The following ZNF540 variants were observed in gnomAD, a reference collection of about 807,000 sequenced individuals.
The protein encoded by ZNF540 is zinc finger protein 540.
In ZNF540, 3 loss-of-function variants were observed where a neutral mutation model predicts 11.8. The observed-to-expected ratio is 0.25, with a 90% CI of 0.12 to 0.65. ZNF540 has a LOEUF of 0.65. ZNF540 is among the 30% of genes least tolerant of loss of function. ZNF540 has a pLI of 0.83. For missense variants in ZNF540, 709 were observed against 793.1 expected, an observed-to-expected ratio of 0.89 and a Z score of 1.27; for synonymous variants, 247 against 259.0, an observed-to-expected ratio of 0.95 and a Z score of 0.45.
chr19:37,562,837 C>A (rs2042733180), intron 1 of ZNF540: 1 of 152,160 alleles, frequency 6.6e-6, no homozygotes, highest in Non-Finnish European at 1.5e-5. Context: ...ACTGCATGCA[C>A]AAACATATCT....
At chr19:37,580,330 AC>A (rs2043409728) in intron 1 of ZNF540, among the ~76,000 whole-genome samples, 1 of 152,250 alleles carries the variant, frequency 6.6e-6, no homozygotes, top group East Asian at 1.9e-4. Context: ...TGCAGTCTTC[AC>A]CATCACAGGA....
At chr19:37,577,101 C>A (rs980994325) in intron 1 of ZNF540, among the ~76,000 whole-genome samples, 3 of 152,028 alleles carry the variant, frequency 2.0e-5, no homozygotes, top group African/African-American at 4.8e-5. Context: ...ATTCCATTTA[C>A]AACAAACTTA....
At chr19:37,579,523 A>G (rs1425843036) in intron 1 of ZNF540, among the ~76,000 whole-genome samples, 1 of 150,254 alleles carries the variant, frequency 6.7e-6, no homozygotes, top group Non-Finnish European at 1.5e-5. Flanking sequence ...TGGTGCTGGG[A>G]TAACTGGCTA....
chr19:37,561,048 C>CAAAAAAAAAAAAAAAAAAAAAA (rs199892724), intron 1 of ZNF540, among the ~76,000 whole-genome samples: 1 of 73,784 alleles, frequency 1.4e-5, no homozygotes, highest in African/African-American at 4.6e-5. Context: ...CCTGTCTCTA[C>CAAAAAAAAAAAAAAAAAAAAAA]AAAAAAAAAA....
intron 1 of ZNF540, among the ~76,000 whole-genome samples, chr19:37,553,848 A>G (rs1356146379): frequency 6.6e-6 from 1 of 152,188 alleles, no homozygotes; most frequent in Non-Finnish European, 1.5e-5. Flanking sequence ...TTTGCATTAA[A>G]AACTCAATTA....
intron 1 of ZNF540, among the ~76,000 whole-genome samples, chr19:37,572,721 G>C (rs2043107054): frequency 6.6e-6 from 1 of 152,088 alleles, no homozygotes; most frequent in Non-Finnish European, 1.5e-5. Flanking sequence ...GTAATCTGTT[G>C]GCCTTAGGAG....
chr19:37,561,074 A>AAG (rs57590004), intron 1 of ZNF540, among the ~76,000 whole-genome samples: 1 of 135,776 alleles, frequency 7.4e-6, no homozygotes, highest in African/African-American at 2.9e-5. Flanking sequence ...AAAAAAAAAA[A>AAG]GAAAGAAAAA....
intron 1 of ZNF540, among the ~76,000 whole-genome samples, chr19:37,568,272 A>G (rs1439697212): frequency 1.3e-5 from 2 of 151,830 alleles, no homozygotes; most frequent in Non-Finnish European, 2.9e-5. Context: ...GAGAAAACAC[A>G]CTTTTGCTGA....
chr19:37,608,153 T>C (rs1228405186), intron 4 of ZNF540, among the ~76,000 whole-genome samples: 1 of 152,252 alleles, frequency 6.6e-6, no homozygotes, highest in Non-Finnish European at 1.5e-5. Flanking sequence ...TTTTCCTCCT[T>C]CTGGTATTTT....
chr19:37,588,157 A>G (rs2043747784), intron 1 of ZNF540, among the ~76,000 whole-genome samples: 1 of 151,158 alleles, frequency 6.6e-6, no homozygotes. Flanking sequence ...TATATATAAA[A>G]TGATATAAAG....
At chr19:37,554,518 C>T (rs777933283) in intron 1 of ZNF540, among the ~76,000 whole-genome samples, 2 of 152,084 alleles carry the variant, frequency 1.3e-5, no homozygotes, top group Non-Finnish European at 2.9e-5. Flanking sequence ...TCAGGCTGTT[C>T]TCAAGATTTT....
chr19:37,564,271 A>T (rs2042770620), intron 1 of ZNF540: 1 of 186,280 alleles, frequency 5.4e-6, no homozygotes, highest in Non-Finnish European at 1.1e-5. Flanking sequence ...AAAGGGAATT[A>T]TATGTATTTA....
At chr19:37,599,478 T>C (rs2044022570) in intron 2 of ZNF540, 148 bp from the exon 3 acceptor site, 1 of 895,366 alleles carries the variant, frequency 1.1e-6, no homozygotes, top group Non-Finnish European at 1.6e-6. Flanking sequence ...ACCTGGTTCC[T>C]TTCTTCTATC....
rs1442429341 is a variant in ZNF540 at position 37,553,853 on chromosome 19, CAATT to C, written c.-73+2190_-73+2193del. Among the ~76,000 whole-genome samples, 4 of 152,238 alleles carry C rather than the reference CAATT, an allele frequency of 2.6e-5. No homozygotes were observed. In the East Asian group the frequency reaches 7.7e-4, roughly 29 times the overall value. ...CATTATTGATTTTGCATTAAAAACT[CAATT>C]ACTTTTTCAAGAGAATATGAGGAAA... is the stretch of plus-strand genomic sequence containing the variant. On this transcript the variant is annotated intron_variant, in intron 1 of 4. Transcript: ENST00000592533.
At chr19:37,554,803 T>C (rs2042642531) in intron 1 of ZNF540, 1 of 152,244 alleles carries the variant, frequency 6.6e-6, no homozygotes, top group South Asian at 2.1e-4. Context: ...AGTCCATTTA[T>C]TAGCTGGCGA....
intron 1 of ZNF540, among the ~76,000 whole-genome samples, chr19:37,557,152 C>T (rs1424150895): frequency 6.6e-6 from 1 of 152,158 alleles, no homozygotes; most frequent in African/African-American, 2.4e-5. Flanking sequence ...TATTTGTACC[C>T]AGCCTGGTGT....
intron 1 of ZNF540, among the ~76,000 whole-genome samples, chr19:37,584,929 A>C (rs1317730150): frequency 6.9e-6 from 1 of 145,596 alleles, no homozygotes; most frequent in African/African-American, 2.6e-5. Context: ...GCGCCACTGC[A>C]CTCCCGCCTG....
chr19:37,569,209 T>A lies in ZNF540; in HGVS notation c.-73+17544T>A, dbSNP rs2042973540. Among the ~76,000 whole-genome samples, 1 of 151,998 alleles carries A rather than the reference T, an allele frequency of 6.6e-6. No homozygotes were observed. Among genetic ancestry groups the A allele is most frequent in the South Asian group, 2.1e-4 (1 of 4,814 alleles). On this transcript the variant is annotated intron_variant, in intron 1 of 4. Transcript: ENST00000592533. This position sits in a 1 kb window ranked among gnomAD's most constrained non-coding sequence, Gnocchi z 4.4. Reference sequence around the variant, plus strand: ...CTCAAGTGATCCACCTGCCCCGGACTCCCACAGCACTAGGATTACAGGCAT... The same window carrying A: ...CTCAAGTGATCCACCTGCCCCGGACACCCACAGCACTAGGATTACAGGCAT...
In ZNF540 at chr19:37,601,105, G is replaced by A. The variant is rs552502278; in HGVS notation, c.232G>A (p.Gly78Ser). 2.4e-5 allele frequency: 38 copies of A among 1,570,330 alleles called. No homozygotes were observed. Among genetic ancestry groups the A allele is most frequent in the African/African-American group, 4.1e-5 (3 of 73,876 alleles). Residue 78 changes from glycine to serine, a missense_variant and splice_region_variant, in exon 4 of 5, where the codon GGT becomes AGT. Coordinates refer to ENST00000316433, the MANE Select transcript of ZNF540 (RefSeq NM_001172225.3). ...GGATGTGACAGGAAGACAGTGCCCC[G>A]GTGAGTTGAGAGTTCATCAGGCAGA... ...ARDVTGRQCPGLLSRHKTKKL... is the reference protein window; with the variant it reads ...ARDVTGRQCPSLLSRHKTKKL...
Sources: gnomAD v4.1 joint callset for allele counts (sites outside exome capture counted in the v4.1 genomes callset) on GRCh38, gnomAD v4.1.1 for gene constraint, Gnocchi (gnomAD v3.1) non-coding constraint, MANE v1.5 for transcripts, NCBI Gene and HGNC (gene_info 2026-07-23, HGNC 2026-07-21) for gene names.